The following ENPP3 variants were observed in gnomAD, a reference collection of about 807,000 sequenced individuals.
ENPP3 encodes the protein ectonucleotide pyrophosphatase/phosphodiesterase 3, also known as ectonucleotide pyrophosphatase/phosphodiesterase family member 3.
A neutral mutation model predicts 117.8 loss-of-function variants in ENPP3; 104 were observed. The ratio of observed to expected loss-of-function variants is 0.88; its 90% confidence interval spans 0.75 to 1.04. ENPP3 has a LOEUF of 1.04. Ranked by LOEUF, ENPP3 falls within the 50% of genes least tolerant of loss-of-function variation. ENPP3 has a pLI of 0.00. For missense variants in ENPP3, 1,026 were observed against 1,051.9 expected (o/e 0.98, Z 0.34); for synonymous variants, 380 against 349.9 (o/e 1.09, Z -0.96).
intron 3 of ENPP3, among the ~76,000 whole-genome samples, chr6:131,650,798 G>A (rs1253681052): frequency 3.9e-5 from 6 of 152,100 alleles, no homozygotes; most frequent in Non-Finnish European, 7.3e-5. Flanking sequence ...CACATAATCT[G>A]TGTCTCTTCA....
At position 131,746,747 on chromosome 6, in the gene ENPP3, G is replaced by C. The variant is rs776266863; in HGVS notation, c.2458-39G>C. 1.9e-6 allele frequency: 3 copies of C among 1,565,020 alleles called. No homozygotes were observed. In the South Asian group the frequency reaches 3.6e-5, roughly 19 times the overall value. The stretch of plus-strand genomic sequence containing the variant: ...AATATTTCTGTTCATGAAAAATACT[G>C]CCTTGTGAAAAAAAAAGTGTTGTGC... On this transcript the variant is annotated intron_variant, in intron 24 of 24. Transcript: ENST00000357639.
intron 7 of ENPP3, among the ~76,000 whole-genome samples, chr6:131,673,546 G>A (rs1194851806): frequency 1.3e-5 from 2 of 152,144 alleles, no homozygotes; most frequent in African/African-American, 4.8e-5. Context: ...AGGAGGGAGA[G>A]GAGCAGAAAG....
At chr6:131,725,183 G>A (rs1436067168) in intron 19 of ENPP3, among the ~76,000 whole-genome samples, 2 of 152,114 alleles carry the variant, frequency 1.3e-5, no homozygotes, top group African/African-American at 2.4e-5. Flanking sequence ...CTGAGATCAT[G>A]CCACTCCACT....
chr6:131,645,743 T>A (rs879773263), intron 2 of ENPP3, among the ~76,000 whole-genome samples: 5 of 152,194 alleles, frequency 3.3e-5, no homozygotes, highest in Non-Finnish European at 7.3e-5. Context: ...TCTTATAGTA[T>A]CCAGAGTTGC....
intron 15 of ENPP3, chr6:131,709,537 T>C: frequency 6.2e-7 from 1 of 1,614,000 alleles, no homozygotes; most frequent in Non-Finnish European, 8.5e-7. Flanking sequence ...AAATTTCAAC[T>C]CTCTTTCAGT....
rs140687197 is a variant in ENPP3, at chr6:131,664,515, T to G, written c.562+6095T>G. Among the ~76,000 whole-genome samples, 353 of 152,296 alleles carry G rather than the reference T, an allele frequency of 2.3e-3. 1 individual carries two copies. Among genetic ancestry groups the G allele is most frequent in the African/African-American group, 8.1e-3 (338 of 41,556 alleles). ...TTGAAAAAAATACATTTTTGTAAGT[T>G]TAGTGTATCCTAAGTGTACAGTGTT... On this transcript the variant is annotated intron_variant, in intron 6 of 24. Transcript: ENST00000357639.
chr6:131,710,200 A>G (rs767365445), intron 15 of ENPP3: 4 of 1,608,414 alleles, frequency 2.5e-6, no homozygotes, highest in Non-Finnish European at 3.4e-6. Context: ...CATCATTGGC[A>G]AGTGTCCAGT....
intron 12 of ENPP3, among the ~76,000 whole-genome samples, chr6:131,684,310 C>T (rs1209239021): frequency 6.6e-6 from 1 of 152,202 alleles, no homozygotes; most frequent in Non-Finnish European, 1.5e-5. Flanking sequence ...AGTTCTCTAA[C>T]ACTTTGCCTT....
intron 11 of ENPP3, among the ~76,000 whole-genome samples, chr6:131,680,203 A>C (rs1314734035): frequency 1.3e-5 from 2 of 152,208 alleles, no homozygotes; most frequent in Non-Finnish European, 2.9e-5. Context: ...AGGTAGAGGC[A>C]AACATTGTGG....
intron 11 of ENPP3, among the ~76,000 whole-genome samples, chr6:131,678,508 C>T (rs761475908): frequency 2.2e-4 from 34 of 152,274 alleles, no homozygotes; most frequent in African/African-American, 4.6e-4. Flanking sequence ...TTAAATATTG[C>T]GTTTAACAAA....
intron 6 of ENPP3, among the ~76,000 whole-genome samples, chr6:131,661,517 C>T (rs1481374096): frequency 6.6e-6 from 1 of 151,900 alleles, no homozygotes; most frequent in African/African-American, 2.4e-5. Flanking sequence ...GCCTCAAACT[C>T]CTGGGCTCAA....
chr6:131,724,633 C>T (rs181230754), intron 19 of ENPP3, among the ~76,000 whole-genome samples: 27 of 152,232 alleles, frequency 1.8e-4, no homozygotes, highest in South Asian at 4.1e-4. Context: ...TAAGGGGATA[C>T]CTACTTTATA....
chr6:131,651,253 G>T (rs1274654586), intron 3 of ENPP3, among the ~76,000 whole-genome samples: 2 of 152,100 alleles, frequency 1.3e-5, no homozygotes, highest in Admixed American at 6.6e-5. Context: ...TCTAAATAAG[G>T]TCACATTCAC....
At chr6:131,687,652 G>T in intron 14 of ENPP3, among the ~76,000 whole-genome samples, 1 of 151,878 alleles carries the variant, frequency 6.6e-6, no homozygotes, top group Non-Finnish European at 1.5e-5. Flanking sequence ...AAATCAACAA[G>T]CAAAAAACAA....
intron 5 of ENPP3, among the ~76,000 whole-genome samples, chr6:131,657,320 C>A (rs991406595): frequency 6.6e-6 from 1 of 152,156 alleles, no homozygotes; most frequent in African/African-American, 2.4e-5. Context: ...AGAAAGATAG[C>A]TCATGTCCCT....
At chr6:131,673,754 A>G (rs1326191840) in intron 7 of ENPP3, among the ~76,000 whole-genome samples, 1 of 152,138 alleles carries the variant, frequency 6.6e-6, no homozygotes, top group Non-Finnish European at 1.5e-5. Context: ...TTGGAAAAAA[A>G]TTGCGTCTGT....
intron 15 of ENPP3, among the ~76,000 whole-genome samples, chr6:131,714,417 AAATCTGT>A (rs1239204628): frequency 8.5e-6 from 1 of 117,836 alleles, no homozygotes; most frequent in Non-Finnish European, 1.6e-5. Context: ...ATTAAAGAAT[AAATCTGT>A]AATTATGCAT....
chr6:131,691,953 A>C (rs917174814), intron 14 of ENPP3, among the ~76,000 whole-genome samples: 19 of 152,214 alleles, frequency 1.2e-4, no homozygotes, highest in African/African-American at 4.6e-4. Flanking sequence ...AAACTGGCAA[A>C]AATATGTTTG....
rs766427836 is a variant in ENPP3, at chr6:131,663,524, C to CAAA, written c.562+5122_562+5124dup. 8.0e-4 allele frequency among the ~76,000 whole-genome samples: 67 copies of CAAA among 83,570 alleles called. 3 individuals are homozygous for CAAA. The highest frequency in any genetic ancestry group is 1.7e-3 in the Admixed American group (13 of 7,686). 54.8% of individuals were successfully genotyped at this position (83,570 alleles called of 152,430 possible). On this transcript the variant is annotated intron_variant, in intron 6 of 24. Transcript: ENST00000357639. ...CAACAAAGTGAAACCCTGTCTCTAC[C>CAAA]AAAAAAAAAAAAAAAAAAAAGTAGC...
Sources: gnomAD v4.1 joint callset for allele counts (sites outside exome capture counted in the v4.1 genomes callset) on GRCh38, gnomAD v4.1.1 for gene constraint, MANE v1.5 for transcripts, NCBI Gene and HGNC (gene_info 2026-07-23, HGNC 2026-07-21) for gene names.